Variants in CNST observed in about 807,000 individuals in gnomAD.
CNST encodes the protein consortin.
A neutral mutation model predicts 72.4 loss-of-function variants in CNST; 39 were observed. That is an observed-to-expected ratio of 0.54 (90% confidence interval 0.42 to 0.70). The LOEUF is 0.70. Among genes scored for constraint, CNST ranks in the 30% least tolerant of loss-of-function variants. The probability of loss-of-function intolerance (pLI) is 0.00; values close to 1 mark genes in which losing one functional copy is unlikely to be tolerated. For synonymous variants in CNST, 332 were observed against 320.1 expected, an observed-to-expected ratio of 1.04 and a Z score of -0.40; for missense variants, 871 against 868.5, an observed-to-expected ratio of 1.00 and a Z score of -0.04.
chr1:246,647,524 T>G lies in CNST; in HGVS notation c.1323T>G (p.Arg441=). 1 of 1,614,240 alleles carries G rather than the reference T, an allele frequency of 6.2e-7. No individual in the cohort carries two copies. The highest frequency in any genetic ancestry group is 8.5e-7 in the Non-Finnish European group (1 of 1,180,044). The change falls in exon 9 of 11, where the codon CGT becomes CGG. Residue 441 remains arginine, a synonymous_variant. Transcript: ENST00000366513. The part of the protein sequence containing the change: ...TEPLISPGCD[R]IPPALISEGK... ...CGTTGATTTCACCAGGCTGTGACCG[T>G]ATACCTCCTGCATTGATTTCTGAGG...
At chr1:246,571,394 C>G (rs1660059418) in intron 1 of CNST, among the ~76,000 whole-genome samples, 1 of 152,220 alleles carries the variant, frequency 6.6e-6, no homozygotes, top group African/African-American at 2.4e-5. Flanking sequence ...AAGTGATCCG[C>G]CCACCTCAGC....
At position 246,636,291 on chromosome 1, in the gene CNST, C is replaced by T. The variant is rs1027808221; in HGVS notation, c.818+1704C>T. On this transcript the variant is annotated intron_variant, in intron 6 of 10. Coordinates refer to ENST00000366513, the MANE Select transcript of CNST (RefSeq NM_152609.3). Reference sequence around the variant, plus strand: ...TATCAGTCCACTTGCGGGATATGCACGCCGTCCCTCTTACTGGGTTGGTAA... The same window carrying T: ...TATCAGTCCACTTGCGGGATATGCATGCCGTCCCTCTTACTGGGTTGGTAA... Among the ~76,000 whole-genome samples the T allele has an allele frequency of 7.9e-5, 12 of 152,218 alleles. No individual in the cohort carries two copies. In the South Asian group the frequency reaches 8.3e-4, roughly 11 times the overall value.
intron 3 of CNST, among the ~76,000 whole-genome samples, chr1:246,629,660 C>T (rs759726420): frequency 2.4e-4 from 37 of 152,208 alleles, no homozygotes; most frequent in Non-Finnish European, 3.8e-4. Flanking sequence ...GAAACTATAT[C>T]TCATACCATA....
At chr1:246,643,802 C>G (rs911781459) in intron 8 of CNST, among the ~76,000 whole-genome samples, 19 of 152,174 alleles carry the variant, frequency 1.2e-4, no homozygotes, top group Admixed American at 9.2e-4. Context: ...GTGGGTGACT[C>G]TCCGAATGTA....
At chr1:246,583,820 G>A (rs796411758) in intron 1 of CNST, among the ~76,000 whole-genome samples, 1 of 152,336 alleles carries the variant, frequency 6.6e-6, no homozygotes, top group African/African-American at 2.4e-5. Flanking sequence ...TCCTCTGAAT[G>A]TGGGGCAGGA....
rs530523380 is a variant in CNST, at chr1:246,574,191, G to A, written c.-52+7528G>A. On this transcript the variant is annotated intron_variant, in intron 1 of 10. Coordinates refer to ENST00000366513, the MANE Select transcript of CNST (RefSeq NM_152609.3). ...GGAGTGGCTGGGACTACAGGCACCC[G>A]CCACCGCGCCCGGCTAATTTTTTGT... Among the ~76,000 whole-genome samples the A allele has an allele frequency of 4.4e-3, 668 of 152,112 alleles. 3 individuals are homozygous for A. Among genetic ancestry groups the A allele is most frequent in the African/African-American group, 0.015 (638 of 41,500 alleles).
intron 1 of CNST, among the ~76,000 whole-genome samples, chr1:246,579,092 C>T (rs748253333): frequency 6.6e-6 from 1 of 152,184 alleles, no homozygotes; most frequent in Non-Finnish European, 1.5e-5. Flanking sequence ...ATAAACATTT[C>T]TATAAAGTGA....
chr1:246,574,630 C>T (rs1197843447), intron 1 of CNST, among the ~76,000 whole-genome samples: 1 of 151,892 alleles, frequency 6.6e-6, no homozygotes, highest in Non-Finnish European at 1.5e-5. Context: ...TGTGTTGCCC[C>T]AGCTGGTCTA....
chr1:246,617,754 A>G (rs1663799976), intron 2 of CNST, among the ~76,000 whole-genome samples: 1 of 152,238 alleles, frequency 6.6e-6, no homozygotes, highest in African/African-American at 2.4e-5. Flanking sequence ...TGAAACTAAG[A>G]ACACCATATT....
intron 1 of CNST, among the ~76,000 whole-genome samples, chr1:246,572,020 G>A (rs1418432067): frequency 6.6e-6 from 1 of 151,942 alleles, no homozygotes; most frequent in African/African-American, 2.4e-5. Context: ...AGTGAATTAG[G>A]TGACTGTGGT....
intron 3 of CNST, among the ~76,000 whole-genome samples, chr1:246,629,018 T>A (rs76334931): frequency 5.9e-5 from 9 of 152,314 alleles, no homozygotes; most frequent in Non-Finnish European, 8.8e-5. Context: ...CTGTTTTTTT[T>A]ATTTGTATTT....
At chr1:246,653,481 G>A (rs1037528210) in intron 9 of CNST, among the ~76,000 whole-genome samples, 22 of 152,212 alleles carry the variant, frequency 1.4e-4, no homozygotes, top group African/African-American at 5.3e-4. Context: ...AGGAGCAGGG[G>A]AAGTCCAGCC....
chr1:246,597,429 G>A (rs1334770366), intron 2 of CNST, among the ~76,000 whole-genome samples: 3 of 152,110 alleles, frequency 2.0e-5, no homozygotes, highest in African/African-American at 4.8e-5. Flanking sequence ...CATAAAGTTT[G>A]TATATTTGTA....
At chr1:246,591,208 G>C (rs548487232) in intron 1 of CNST, among the ~76,000 whole-genome samples, 65 of 152,266 alleles carry the variant, frequency 4.3e-4, no homozygotes, top group Non-Finnish European at 8.1e-4. Context: ...CTTACCTAGA[G>C]AACTTGAAAA....
intron 1 of CNST, among the ~76,000 whole-genome samples, chr1:246,590,503 A>G (rs1283114621): frequency 6.6e-6 from 1 of 152,120 alleles, no homozygotes; most frequent in Non-Finnish European, 1.5e-5. Flanking sequence ...CAGCAGGAGA[A>G]GTGGTGGTCT....
chr1:246,659,332 CA>C (rs1281254835), intron 9 of CNST, among the ~76,000 whole-genome samples: 1 of 152,200 alleles, frequency 6.6e-6, no homozygotes, highest in African/African-American at 2.4e-5. Context: ...CGGTGGCTCA[CA>C]CCTGTAATCC....
At position 246,635,719 on chromosome 1, in the gene CNST, T is replaced by G. The variant is rs532631842; in HGVS notation, c.818+1132T>G. Among the ~76,000 whole-genome samples, 423 of 152,026 alleles carry G rather than the reference T, an allele frequency of 2.8e-3. 2 individuals carry two copies. Among genetic ancestry groups the G allele is most frequent in the African/African-American group, 9.5e-3 (392 of 41,290 alleles). On this transcript the variant is annotated intron_variant, in intron 6 of 10. Coordinates refer to ENST00000366513, the MANE Select transcript of CNST (RefSeq NM_152609.3). Reference sequence around the variant, plus strand: ...TTAGTGATTATCTCTAGAGCAGCCTTTAGTCTAATTATTCTATTTAGCATA... The same window carrying G: ...TTAGTGATTATCTCTAGAGCAGCCTGTAGTCTAATTATTCTATTTAGCATA...
intron 2 of CNST, among the ~76,000 whole-genome samples, chr1:246,610,608 G>T (rs1000757788): frequency 5.3e-5 from 8 of 152,246 alleles, no homozygotes; most frequent in Admixed American, 5.2e-4. Context: ...TCTCGCCTTT[G>T]TTCAGGGTTG....
intron 1 of CNST, among the ~76,000 whole-genome samples, chr1:246,569,315 A>G (rs1659918137): frequency 6.6e-6 from 1 of 152,174 alleles, no homozygotes; most frequent in African/African-American, 2.4e-5. Context: ...AATCTATAAA[A>G]TCTGGTATTT....
Sources: allele counts gnomAD v4.1 joint callset (sites outside exome capture counted in the v4.1 genomes callset), GRCh38; gene constraint gnomAD v4.1.1; transcripts MANE v1.5; gene names NCBI Gene and HGNC (gene_info 2026-07-23, HGNC 2026-07-21).